TRAPPC9: variants seen among roughly 807,000 people sequenced by gnomAD.
TRAPPC9 encodes the protein trafficking protein particle complex subunit 9, also known as IKK2 binding protein.
Under a neutral mutation model 124.0 loss-of-function variants are expected in TRAPPC9, and 83 were observed. The observed-to-expected ratio is 0.67, with a 90% CI of 0.56 to 0.80. The LOEUF (loss-of-function observed/expected upper bound fraction) is 0.80, where lower values mean the gene tolerates loss of function less well. Among genes scored for constraint, TRAPPC9 ranks in the 30% least tolerant of loss-of-function variants. TRAPPC9 has a pLI of 0.00. For missense variants in TRAPPC9, 1,302 were observed against 1,508.3 expected, an observed-to-expected ratio of 0.86 and a Z score of 2.27; for synonymous variants, 638 against 617.5, an observed-to-expected ratio of 1.03 and a Z score of -0.49.
At chr8:140,336,373 T>G (rs1451908458) in intron 9 of TRAPPC9, among the ~76,000 whole-genome samples, 1 of 152,216 alleles carries the variant, frequency 6.6e-6, no homozygotes, top group Non-Finnish European at 1.5e-5. Flanking sequence ...CACCACGCTC[T>G]GCTCTGCGGC....
At chr8:140,441,575 C>A (rs2071018145) in intron 2 of TRAPPC9, among the ~76,000 whole-genome samples, 1 of 151,730 alleles carries the variant, frequency 6.6e-6, no homozygotes, top group South Asian at 2.1e-4. Context: ...AATACCACCA[C>A]TTTGGGAGGC....
chr8:140,053,103 G>A (rs1842097199), intron 17 of TRAPPC9, among the ~76,000 whole-genome samples: 1 of 152,240 alleles, frequency 6.6e-6, no homozygotes. Context: ...TATGGAAATA[G>A]AAAAGTCACC....
intron 18 of TRAPPC9, among the ~76,000 whole-genome samples, chr8:139,997,110 G>A (rs1551803): frequency 0.011 from 1,707 of 152,266 alleles, 32 homozygotes; most frequent in African/African-American, 0.039. Context: ...CTAAAGAACA[G>A]AAGCCATCTG....
At chr8:139,934,825 G>A (rs926013798) in intron 19 of TRAPPC9, among the ~76,000 whole-genome samples, 4 of 152,274 alleles carry the variant, frequency 2.6e-5, no homozygotes, top group Non-Finnish European at 4.4e-5. Context: ...GCCAAAGGAC[G>A]AAGTGACTGA....
intron 8 of TRAPPC9, among the ~76,000 whole-genome samples, chr8:140,368,982 A>T (rs1324465240): frequency 6.6e-6 from 1 of 152,238 alleles, no homozygotes; most frequent in Non-Finnish European, 1.5e-5. Context: ...ACCATGTACT[A>T]ATGTAAACAC....
chr8:140,182,437 G>A lies in TRAPPC9; in HGVS notation c.2556+39022C>T, dbSNP rs969379054. On this transcript the variant is annotated intron_variant, in intron 17 of 22. Coordinates refer to ENST00000438773, the MANE Select transcript of TRAPPC9 (RefSeq NM_001160372.4). The surrounding 1 kb of genome is among the most constrained non-coding windows in gnomAD (Gnocchi z 4.0). ...TTGAGAATGGCCGCTTCCCAAAGCT[G>A]TTATTCGATAGACAGAAAACAGCTT... Among the ~76,000 whole-genome samples the A allele has an allele frequency of 6.6e-6, 1 of 151,888 alleles. No homozygotes were observed. Among genetic ancestry groups the A allele is most frequent in the Admixed American group, 6.6e-5 (1 of 15,248 alleles).
chr8:139,824,760 G>A (rs1563841967), intron 21 of TRAPPC9, among the ~76,000 whole-genome samples: 1 of 152,070 alleles, frequency 6.6e-6, no homozygotes, highest in Non-Finnish European at 1.5e-5. Context: ...ATGTGGTTTT[G>A]CCATGTTGGC....
chr8:139,974,265 C>T (rs1836294236), intron 19 of TRAPPC9, among the ~76,000 whole-genome samples: 1 of 152,202 alleles, frequency 6.6e-6, no homozygotes, highest in Non-Finnish European at 1.5e-5. Flanking sequence ...TTACAGACAA[C>T]ACAACAGAAA....
At chr8:140,153,357 C>A (rs1449288487) in intron 17 of TRAPPC9, among the ~76,000 whole-genome samples, 2 of 152,038 alleles carry the variant, frequency 1.3e-5, no homozygotes. Flanking sequence ...GCTTGGAATG[C>A]AATTGCTATG....
intron 4 of TRAPPC9, among the ~76,000 whole-genome samples, chr8:140,429,701 G>A (rs1246098407): frequency 6.6e-6 from 1 of 152,158 alleles, no homozygotes; most frequent in Admixed American, 6.5e-5. Context: ...AGCTACTGGG[G>A]AGGCTGAGGC....
chr8:139,878,851 T>C (rs1829498984), intron 21 of TRAPPC9, among the ~76,000 whole-genome samples: 1 of 152,206 alleles, frequency 6.6e-6, no homozygotes, highest in Non-Finnish European at 1.5e-5. Flanking sequence ...TGCGTGTGGT[T>C]GAAGCGAGAG....
intron 17 of TRAPPC9, among the ~76,000 whole-genome samples, chr8:140,129,692 G>A (rs1408724991): frequency 1.3e-5 from 2 of 149,196 alleles, no homozygotes; most frequent in Admixed American, 6.6e-5. Flanking sequence ...AGGAAGTTAT[G>A]GTGAGAGCCA....
chr8:140,062,090 A>T (rs925472307), intron 17 of TRAPPC9, among the ~76,000 whole-genome samples: 1 of 152,170 alleles, frequency 6.6e-6, no homozygotes, highest in African/African-American at 2.4e-5. Context: ...GACCTGAGGA[A>T]AAAGGCAACA....
chr8:140,222,169 G>T (rs532659469), intron 16 of TRAPPC9, among the ~76,000 whole-genome samples: 2 of 151,952 alleles, frequency 1.3e-5, no homozygotes, highest in South Asian at 4.2e-4. Flanking sequence ...CCCTCCCTTC[G>T]TGCAGCCAGC....
chr8:139,940,428 T>A (rs570765168), intron 19 of TRAPPC9, among the ~76,000 whole-genome samples: 2 of 152,360 alleles, frequency 1.3e-5, no homozygotes, highest in African/African-American at 4.8e-5. Flanking sequence ...AAAAACCTCA[T>A]AGTGCCAGAA....
At chr8:139,892,114 G>A (rs974056766) in intron 20 of TRAPPC9, among the ~76,000 whole-genome samples, 3 of 152,228 alleles carry the variant, frequency 2.0e-5, no homozygotes, top group African/African-American at 4.8e-5. Flanking sequence ...AAGCACATGC[G>A]CCGCAGCACC....
chr8:140,360,476 C>G (rs950738565), intron 8 of TRAPPC9, among the ~76,000 whole-genome samples: 1 of 152,044 alleles, frequency 6.6e-6, no homozygotes, highest in Non-Finnish European at 1.5e-5. Flanking sequence ...AAGCTTAGAA[C>G]AAAAGATGGA....
chr8:140,233,209 CTT>C (rs10710093), intron 16 of TRAPPC9, among the ~76,000 whole-genome samples: 197 of 146,566 alleles, frequency 1.3e-3, no homozygotes, highest in Admixed American at 2.0e-3. Flanking sequence ...TTCTTAAGGA[CTT>C]TTTTTTTTTT....
At chr8:140,277,479 G>A (rs2065162578) in intron 14 of TRAPPC9, among the ~76,000 whole-genome samples, 1 of 152,222 alleles carries the variant, frequency 6.6e-6, no homozygotes, top group South Asian at 2.1e-4. Flanking sequence ...TTGCAGAGAA[G>A]GTATCGGAAA....
Sources: allele counts gnomAD v4.1 joint callset (sites outside exome capture counted in the v4.1 genomes callset), GRCh38; gene constraint gnomAD v4.1.1; non-coding constraint Gnocchi (gnomAD v3.1); transcripts MANE v1.5; gene names NCBI Gene and HGNC (gene_info 2026-07-23, HGNC 2026-07-21).